The following NCKAP5 variants were observed in gnomAD, a reference collection of about 807,000 sequenced individuals.
NCKAP5 encodes nck-associated protein 5.
NCKAP5 carries 92 observed loss-of-function variants against 167.0 expected under a neutral mutation model. That is an observed-to-expected ratio of 0.55 (90% CI 0.47 to 0.66). The LOEUF (loss-of-function observed/expected upper bound fraction) is 0.66. Among genes scored for constraint, NCKAP5 ranks in the 30% least tolerant of loss-of-function variants. The probability of loss-of-function intolerance (pLI) is 0.00; values close to 1 mark genes in which losing one functional copy is unlikely to be tolerated. For missense variants in NCKAP5, 2,378 were observed against 2,315.0 expected (o/e 1.03, Z -0.56); for synonymous variants, 891 against 877.4 (o/e 1.02, Z -0.27).
At chr2:132,813,125 G>A (rs112479786) in intron 11 of NCKAP5, among the ~76,000 whole-genome samples, 27 of 152,322 alleles carry the variant, frequency 1.8e-4, no homozygotes, top group African/African-American at 3.4e-4. Context: ...GTCCAGAGAC[G>A]AGAGAGAATG....
At chr2:132,859,920 CTT>C (rs1237168384) in intron 11 of NCKAP5, among the ~76,000 whole-genome samples, 16 of 152,116 alleles carry the variant, frequency 1.1e-4, no homozygotes, top group African/African-American at 3.6e-4. Flanking sequence ...AATGGCTTGA[CTT>C]TCCACAGCTT....
intron 3 of NCKAP5, among the ~76,000 whole-genome samples, chr2:133,410,769 C>T (rs934319048): frequency 2.0e-5 from 3 of 152,164 alleles, no homozygotes; most frequent in East Asian, 3.9e-4. Context: ...AAATTTAAAA[C>T]CACTGATGTA....
chr2:133,666,836 C>T, the NCKAP5 span, among the ~76,000 whole-genome samples: 3 of 151,942 alleles, frequency 2.0e-5, no homozygotes, highest in Admixed American at 6.5e-5. Flanking sequence ...CAACCCACCT[C>T]ATATCTGGTC....
At chr2:132,958,700 G>T (rs2076414051) in intron 8 of NCKAP5, among the ~76,000 whole-genome samples, 1 of 152,018 alleles carries the variant, frequency 6.6e-6, no homozygotes, top group Admixed American at 6.6e-5. Flanking sequence ...TCTTCAGGTG[G>T]CCTTTCACCT....
At chr2:133,479,982 AATACAGTGGCATGATCTCT>A (rs1316566350) in intron 3 of NCKAP5, among the ~76,000 whole-genome samples, 8 of 148,866 alleles carry the variant, frequency 5.4e-5, no homozygotes, top group African/African-American at 1.7e-4. Context: ...CCCAGGCTGG[AATACAGTGGCATGATCTCT>A]GCTCACTGCT....
At chr2:133,111,276 T>C (rs920160856) in intron 6 of NCKAP5, among the ~76,000 whole-genome samples, 1 of 152,148 alleles carries the variant, frequency 6.6e-6, no homozygotes, top group South Asian at 2.1e-4. Flanking sequence ...TAAAAGCAGA[T>C]TGTTGCTGTA....
chr2:133,024,583 C>T (rs1379782436), intron 6 of NCKAP5, among the ~76,000 whole-genome samples: 1 of 152,096 alleles, frequency 6.6e-6, no homozygotes, highest in Non-Finnish European at 1.5e-5. Context: ...GAAAGTTATA[C>T]ACTTATTTTA....
chr2:133,203,846 G>C (rs1290200356), intron 5 of NCKAP5, among the ~76,000 whole-genome samples: 1 of 152,132 alleles, frequency 6.6e-6, no homozygotes, highest in Non-Finnish European at 1.5e-5. Flanking sequence ...ATAGTTTAAA[G>C]TTGGACTAAA....
the NCKAP5 span, among the ~76,000 whole-genome samples, chr2:133,671,112 G>T: frequency 6.6e-6 from 1 of 151,594 alleles, no homozygotes; most frequent in South Asian, 2.1e-4. Context: ...CTACTCGGGA[G>T]GCTGAGGCAG....
At chr2:132,951,591 G>C (rs933201335) in intron 8 of NCKAP5, among the ~76,000 whole-genome samples, 3 of 152,142 alleles carry the variant, frequency 2.0e-5, no homozygotes, top group Non-Finnish European at 4.4e-5. Context: ...TAATGAATTA[G>C]ATCACCCTCA....
At chr2:133,456,260 C>A (rs558652082) in intron 3 of NCKAP5, among the ~76,000 whole-genome samples, 2 of 152,274 alleles carry the variant, frequency 1.3e-5, no homozygotes, top group African/African-American at 4.8e-5. Context: ...CCCAGGCCCC[C>A]ATGCAGAAAG....
Position 132,922,923 on chromosome 2 carries a change from C to G in NCKAP5, c.579+40797G>C, listed in dbSNP as rs191222345. On this transcript the variant is annotated intron_variant, in intron 8 of 19. Coordinates refer to ENST00000409261, the MANE Select transcript of NCKAP5 (RefSeq NM_207363.3). ...TGGAATCAATAAAATTTCAGAATTT[C>G]AGGAGTGGGGGCTGGAGGGATGCAT... 8.9e-4 allele frequency among the ~76,000 whole-genome samples: 135 copies of G among 152,304 alleles called. 2 individuals carry two copies. Among genetic ancestry groups the G allele is most frequent in the Non-Finnish European group, 2.1e-4 (14 of 68,030 alleles).
intron 3 of NCKAP5, among the ~76,000 whole-genome samples, chr2:133,502,745 G>A (rs1163344253): frequency 2.6e-5 from 4 of 152,158 alleles, no homozygotes; most frequent in South Asian, 2.1e-4. Flanking sequence ...CAAGAAAAAC[G>A]CATTTTAAAG....
At chr2:132,794,015 GA>G (rs1439206756) in intron 12 of NCKAP5, among the ~76,000 whole-genome samples, 1 of 151,520 alleles carries the variant, frequency 6.6e-6, no homozygotes, top group Non-Finnish European at 1.5e-5. Flanking sequence ...GGCCATTTAT[GA>G]GGTTTAAACT....
intron 3 of NCKAP5, among the ~76,000 whole-genome samples, chr2:133,325,327 G>C (rs1006543755): frequency 4.6e-5 from 7 of 152,168 alleles, no homozygotes; most frequent in Non-Finnish European, 7.3e-5. Flanking sequence ...AAGAAAACTA[G>C]ATGACTCCAG....
At chr2:133,658,298 G>A in the NCKAP5 span, among the ~76,000 whole-genome samples, 1 of 152,152 alleles carries the variant, frequency 6.6e-6, no homozygotes, top group African/African-American at 2.4e-5. Context: ...AATACATCCT[G>A]TAAGCTTGTA....
chr2:132,833,256 T>C (rs964298821), intron 11 of NCKAP5, among the ~76,000 whole-genome samples: 8 of 152,194 alleles, frequency 5.3e-5, no homozygotes, highest in Non-Finnish European at 8.8e-5. Flanking sequence ...GTTTCTTGTA[T>C]ATTCGGGATG....
At chr2:132,811,093 G>A (rs1394784383) in intron 11 of NCKAP5, among the ~76,000 whole-genome samples, 1 of 152,176 alleles carries the variant, frequency 6.6e-6, no homozygotes, top group East Asian at 1.9e-4. Flanking sequence ...ACTGGGGGTT[G>A]TCTGCACAGA....
intron 6 of NCKAP5, among the ~76,000 whole-genome samples, chr2:133,000,414 A>G (rs796895399): frequency 5.9e-5 from 9 of 152,244 alleles, no homozygotes; most frequent in African/African-American, 2.2e-4. Context: ...GTAGAGAACA[A>G]TGCTCATCTT....
Sources: gnomAD v4.1 joint callset for allele counts (sites outside exome capture counted in the v4.1 genomes callset) on GRCh38, gnomAD v4.1.1 for gene constraint, MANE v1.5 for transcripts, NCBI Gene and HGNC (gene_info 2026-07-23, HGNC 2026-07-21) for gene names.